MDN1: variants seen among roughly 807,000 people sequenced by gnomAD.
MDN1 encodes midasin AAA ATPase 1.
MDN1 carries 266 observed loss-of-function variants against 669.2 expected under a neutral mutation model. The ratio of observed to expected loss-of-function variants is 0.40; its 90% confidence interval spans 0.36 to 0.44. The LOEUF is 0.44. MDN1 is among the 20% of genes least tolerant of loss of function. The pLI is 1.00. For missense variants in MDN1, 5,940 were observed against 6,754.0 expected (o/e 0.88, Z 4.22); for synonymous variants, 2,385 against 2,457.1 (o/e 0.97, Z 0.87).
rs1415047743 is a variant in MDN1 at position 89,680,799 on chromosome 6, G to C, written c.12103-48C>G. On this transcript the variant is annotated intron_variant, in intron 73 of 101. Coordinates refer to ENST00000369393, the MANE Select transcript of MDN1 (RefSeq NM_014611.3). ...GCCTCACTGCCAAGAATGACAGGCA[G>C]TGTCCCTGCAAGGGAACTAAATTTA... The C allele has an allele frequency of 1.3e-6, 2 of 1,592,030 alleles. 1 individual carries two copies. Among genetic ancestry groups the C allele is most frequent in the South Asian group, 2.3e-5 (2 of 88,072 alleles).
chr6:89,792,521 G>A (rs1819330984), intron 5 of MDN1, among the ~76,000 whole-genome samples: 1 of 152,070 alleles, frequency 6.6e-6, no homozygotes, highest in Non-Finnish European at 1.5e-5. Flanking sequence ...GGGTAAAGAG[G>A]GAGGAGGGAA....
chr6:89,661,104 G>A (rs1331114306), intron 88 of MDN1, among the ~76,000 whole-genome samples: 3 of 152,148 alleles, frequency 2.0e-5, no homozygotes, highest in Admixed American at 2.0e-4. Flanking sequence ...ACTGCACAGC[G>A]TTTACACCAT....
intron 15 of MDN1, among the ~76,000 whole-genome samples, chr6:89,769,137 T>C (rs1336667264): frequency 6.6e-6 from 1 of 152,154 alleles, no homozygotes; most frequent in Non-Finnish European, 1.5e-5. Context: ...TAACATAACT[T>C]ATAAAACAGA....
chr6:89,663,018 T>G, intron 85 of MDN1, 51 bp from the exon 86 acceptor site: 1 of 1,605,462 alleles, frequency 6.2e-7, no homozygotes. Context: ...GACCCAGTCC[T>G]GTGTATTTAA....
Position 89,698,957 on chromosome 6 carries a change from T to C in MDN1, c.9076A>G (p.Thr3026Ala). The C allele has an allele frequency of 1.2e-6, 2 of 1,614,042 alleles. No individual in the cohort carries two copies. Among genetic ancestry groups the C allele is most frequent in the Non-Finnish European group, 1.7e-6 (2 of 1,179,968 alleles). Reference protein sequence around the residue: ...MFMSFWSSTVTTNPEYWLMWN... With the variant: ...MFMSFWSSTVATNPEYWLMWN... Reference sequence around the variant, plus strand: ...ATTAGCCAGTACTCTGGATTTGTGGTCACAGTACTGCTCCAGAAAGACATA... The same window carrying C: ...ATTAGCCAGTACTCTGGATTTGTGGCCACAGTACTGCTCCAGAAAGACATA... The change falls in exon 59 of 102, where the codon ACC becomes GCC. Residue 3026 changes from threonine (T) to alanine (A), a missense_variant. Physicochemically the swap from Thr to Ala is moderately conservative, Grantham distance 58. Transcript: ENST00000369393.
intron 87 of MDN1, 26 bp downstream of exon 87, chr6:89,662,061 G>A (rs199845898): frequency 1.2e-6 from 2 of 1,602,126 alleles, no homozygotes; most frequent in East Asian, 2.2e-5. Context: ...AGTCAAGAGA[G>A]CGGATCAGTT....
chr6:89,679,107 C>T (rs926618971), intron 74 of MDN1, among the ~76,000 whole-genome samples: 1 of 152,216 alleles, frequency 6.6e-6, no homozygotes, highest in Non-Finnish European at 1.5e-5. Flanking sequence ...TTTATAATCA[C>T]TTGAAGGAAA....
intron 55 of MDN1, among the ~76,000 whole-genome samples, chr6:89,701,217 CT>C (rs1037290584): frequency 3.3e-5 from 5 of 152,246 alleles, no homozygotes; most frequent in Admixed American, 2.6e-4. Flanking sequence ...CGCATAAGGA[CT>C]TTTTTATCTT....
intron 2 of MDN1, among the ~76,000 whole-genome samples, chr6:89,798,394 C>A (rs192051895): frequency 1.3e-5 from 2 of 151,696 alleles, no homozygotes; most frequent in Admixed American, 1.3e-4. Context: ...CCTAGCTACT[C>A]GGGAGGCTGA....
intron 69 of MDN1, 111 bp downstream of exon 69, chr6:89,686,791 C>T: frequency 7.2e-7 from 1 of 1,395,342 alleles, no homozygotes; most frequent in Non-Finnish European, 9.7e-7. Context: ...GGAGGCATTC[C>T]CATGAAAGCC....
rs1447821525 is a variant in MDN1, at chr6:89,675,584, C to T, written c.12646-5G>A. On this transcript the variant is annotated splice_polypyrimidine_tract_variant and splice_region_variant and intron_variant, in intron 77 of 101. Coordinates refer to ENST00000369393, the MANE Select transcript of MDN1 (RefSeq NM_014611.3). Reference sequence around the variant, plus strand: ...CACGTTGCCCATGCCCATTTCCTGGCAGAAGAAGGAAAAACATGCTGAAGG... The same window carrying T: ...CACGTTGCCCATGCCCATTTCCTGGTAGAAGAAGGAAAAACATGCTGAAGG... 4 of 1,611,924 alleles carry T rather than the reference C, an allele frequency of 2.5e-6. No individual in the cohort carries two copies. The highest frequency in any genetic ancestry group is 2.5e-6 in the Non-Finnish European group (3 of 1,178,780).
intron 44 of MDN1, 32 bp downstream of exon 44, chr6:89,716,618 G>C (rs893054874): frequency 6.4e-7 from 1 of 1,574,068 alleles, no homozygotes; most frequent in Non-Finnish European, 8.6e-7. Flanking sequence ...CAAATTTCAA[G>C]TTGGACCACT....
At chr6:89,672,435 G>T in intron 81 of MDN1, 72 bp from the exon 82 acceptor site, 1 of 1,591,904 alleles carries the variant, frequency 6.3e-7, no homozygotes, top group East Asian at 2.2e-5. Context: ...CTCTATCCAT[G>T]CAGTTATCTG....
Position 89,712,681 on chromosome 6 carries a change from C to G in MDN1, c.7324G>C (p.Ala2442Pro). Residue 2442 changes from alanine to proline, a missense_variant, in exon 48 of 102, where the codon GCT becomes CCT. Physicochemically the swap from Ala to Pro is conservative, Grantham distance 27. Coordinates refer to ENST00000369393, the MANE Select transcript of MDN1 (RefSeq NM_014611.3). ...MGLWPDSVPS[A>P]LFATEDSHLS... ...TGTGAATCTTCAGTAGCAAAGAGAG[C>G]TGAGGGCACAGAATCTGGCCACAGT... 2 of 1,614,042 alleles carry G rather than the reference C, an allele frequency of 1.2e-6. No homozygotes were observed. The highest frequency in any genetic ancestry group is 1.7e-6 in the Non-Finnish European group (2 of 1,179,926).
intron 48 of MDN1, 40 bp from the exon 49 acceptor site, chr6:89,712,296 AC>A: frequency 6.6e-7 from 1 of 1,509,544 alleles, no homozygotes; most frequent in Non-Finnish European, 9.1e-7. Context: ...TACTAGAATA[AC>A]CTTTTATTTC....
intron 32 of MDN1, among the ~76,000 whole-genome samples, chr6:89,738,720 C>G (rs1816134442): frequency 6.6e-6 from 1 of 152,176 alleles, no homozygotes; most frequent in Non-Finnish European, 1.5e-5. Context: ...AGGATTCCAG[C>G]CAGTCCCAGT....
intron 8 of MDN1, among the ~76,000 whole-genome samples, chr6:89,786,965 G>A (rs559756578): frequency 9.0e-4 from 135 of 150,226 alleles, no homozygotes; most frequent in Non-Finnish European, 1.5e-3. Flanking sequence ...GGTCAGCTGG[G>A]CACAGTGGCA....
chr6:89,757,635 T>G (rs1157122313), intron 19 of MDN1, among the ~76,000 whole-genome samples: 1 of 152,074 alleles, frequency 6.6e-6, no homozygotes, highest in South Asian at 2.1e-4. Context: ...ATAAAGAGAA[T>G]CTAAAAACGA....
intron 1 of MDN1, chr6:89,815,296 G>T: frequency 2.1e-6 from 1 of 477,328 alleles, no homozygotes. Context: ...ATGGGGAGCA[G>T]GAATTCGGCA....
Sources: allele counts gnomAD v4.1 joint callset (sites outside exome capture counted in the v4.1 genomes callset), GRCh38; gene constraint gnomAD v4.1.1; transcripts MANE v1.5; gene names NCBI Gene and HGNC (gene_info 2026-07-23, HGNC 2026-07-21).